The following FBXL7 variants were observed in gnomAD, a reference collection of about 807,000 sequenced individuals.
FBXL7 encodes F-box/LRR-repeat protein 7.
A neutral mutation model predicts 38.3 loss-of-function variants in FBXL7; 12 were observed. The ratio of observed to expected loss-of-function variants is 0.31; its 90% CI spans 0.20 to 0.51. The LOEUF is 0.51. FBXL7 is among the 20% of genes least tolerant of loss of function. The pLI, the probability that FBXL7 is intolerant of heterozygous loss-of-function variation, is 0.98. For missense variants in FBXL7, 567 were observed against 676.4 expected, an observed-to-expected ratio of 0.84 and a Z score of 1.79; for synonymous variants, 297 against 300.9, an observed-to-expected ratio of 0.99 and a Z score of 0.13.
intron 2 of FBXL7, among the ~76,000 whole-genome samples, chr5:15,654,187 C>T (rs1288961763): frequency 6.6e-6 from 1 of 152,142 alleles, no homozygotes; most frequent in Non-Finnish European, 1.5e-5. Flanking sequence ...TACTCTAGGG[C>T]AAAGGTGCAT....
intron 1 of FBXL7, among the ~76,000 whole-genome samples, chr5:15,530,099 G>A (rs2126389535): frequency 6.6e-6 from 1 of 152,294 alleles, no homozygotes; most frequent in East Asian, 1.9e-4. Flanking sequence ...GCTGGAGAAG[G>A]TACAGCAGAA....
intron 1 of FBXL7, among the ~76,000 whole-genome samples, chr5:15,546,589 G>T (rs149877199): frequency 0.012 from 1,853 of 152,120 alleles, 43 homozygotes; most frequent in African/African-American, 0.043. Context: ...AAATTAGCTG[G>T]GTGTGGTGGC....
At chr5:15,741,757 T>C (rs550411883) in intron 2 of FBXL7, among the ~76,000 whole-genome samples, 56 of 152,170 alleles carry the variant, frequency 3.7e-4, no homozygotes, top group Non-Finnish European at 6.8e-4. Flanking sequence ...TCTTAGGAGT[T>C]ATAGCACCAT....
At chr5:15,555,984 T>G (rs887602435) in intron 1 of FBXL7, among the ~76,000 whole-genome samples, 82 of 107,180 alleles carry the variant, frequency 7.7e-4, no homozygotes, top group African/African-American at 2.8e-3. Flanking sequence ...CATCTATCTA[T>G]CTATCTATCT....
At chr5:15,537,139 A>G (rs998482647) in intron 1 of FBXL7, among the ~76,000 whole-genome samples, 14 of 152,198 alleles carry the variant, frequency 9.2e-5, no homozygotes, top group Non-Finnish European at 1.8e-4. Flanking sequence ...CTATGAGTCA[A>G]TTAAATCTCT....
chr5:15,598,490 C>T (rs1739690468), intron 1 of FBXL7, among the ~76,000 whole-genome samples: 1 of 152,146 alleles, frequency 6.6e-6, no homozygotes. Context: ...CCACCAGGTG[C>T]AGCAGACAGA....
intron 2 of FBXL7, among the ~76,000 whole-genome samples, chr5:15,637,112 T>A (rs1385184293): frequency 6.6e-6 from 1 of 152,202 alleles, no homozygotes; most frequent in Non-Finnish European, 1.5e-5. Context: ...AGACATTCTT[T>A]GCTCATGGTT....
chr5:15,784,280 C>T (rs978924201), intron 2 of FBXL7, among the ~76,000 whole-genome samples: 1 of 152,014 alleles, frequency 6.6e-6, no homozygotes, highest in Admixed American at 6.5e-5. Flanking sequence ...CCTGTAGGTC[C>T]TCTTCAGGTT....
At chr5:15,713,012 T>C (rs2126644250) in intron 2 of FBXL7, among the ~76,000 whole-genome samples, 1 of 152,328 alleles carries the variant, frequency 6.6e-6, no homozygotes, top group Non-Finnish European at 1.5e-5. Flanking sequence ...TTGTAGGACT[T>C]GCTCCTCCCT....
intron 2 of FBXL7, among the ~76,000 whole-genome samples, chr5:15,706,191 G>A (rs1221118237): frequency 6.6e-6 from 1 of 152,126 alleles, no homozygotes; most frequent in Non-Finnish European, 1.5e-5. Context: ...GGTGGGGCCT[G>A]GGGGGAGGTG....
chr5:15,843,899 G>T (rs1049743238), intron 2 of FBXL7, among the ~76,000 whole-genome samples: 14 of 150,630 alleles, frequency 9.3e-5, no homozygotes, highest in African/African-American at 3.2e-4. Context: ...TATATATTTA[G>T]AAACTATATA....
At chr5:15,710,492 A>C (rs1487583973) in intron 2 of FBXL7, among the ~76,000 whole-genome samples, 4 of 152,128 alleles carry the variant, frequency 2.6e-5, no homozygotes, top group Admixed American at 2.0e-4. Flanking sequence ...TCATACATGC[A>C]CATGCACAAA....
At chr5:15,808,471 T>G (rs186905592) in intron 2 of FBXL7, among the ~76,000 whole-genome samples, 1 of 152,268 alleles carries the variant, frequency 6.6e-6, no homozygotes, top group East Asian at 1.9e-4. Flanking sequence ...CTTACCCCGT[T>G]CTCATCTTCA....
At chr5:15,881,792 T>G (rs1311987818) in intron 2 of FBXL7, among the ~76,000 whole-genome samples, 2 of 152,226 alleles carry the variant, frequency 1.3e-5, no homozygotes, top group African/African-American at 2.4e-5. Flanking sequence ...GGCAAACATA[T>G]TCATTTGTAA....
chr5:15,619,872 TTG>T (rs1740568926), intron 2 of FBXL7, among the ~76,000 whole-genome samples: 1 of 152,200 alleles, frequency 6.6e-6, no homozygotes, highest in East Asian at 1.9e-4. Flanking sequence ...ATGTGTGCAT[TTG>T]TGTCTGACAT....
At chr5:15,892,750 C>G (rs1740953153) in intron 2 of FBXL7, among the ~76,000 whole-genome samples, 1 of 152,140 alleles carries the variant, frequency 6.6e-6, no homozygotes, top group African/African-American at 2.4e-5. Flanking sequence ...TCACCTGGGC[C>G]CATTTGTTTT....
intron 2 of FBXL7, among the ~76,000 whole-genome samples, chr5:15,776,747 T>C (rs1736866220): frequency 6.6e-6 from 1 of 152,162 alleles, no homozygotes; most frequent in Non-Finnish European, 1.5e-5. Context: ...GGCTAGCTTT[T>C]TTCAGAAGCA....
At chr5:15,917,555 C>G (rs1741616642) in intron 2 of FBXL7, among the ~76,000 whole-genome samples, 1 of 151,812 alleles carries the variant, frequency 6.6e-6, no homozygotes, top group South Asian at 2.1e-4. Context: ...TTGCAGTGAG[C>G]TTTGATCATG....
intron 2 of FBXL7, among the ~76,000 whole-genome samples, chr5:15,811,024 A>C (rs775215032): frequency 3.3e-5 from 5 of 152,200 alleles, no homozygotes; most frequent in Non-Finnish European, 7.3e-5. Context: ...CTGCAGAAGG[A>C]TCTCTAAATT....
Sources: gnomAD v4.1 joint callset for allele counts (sites outside exome capture counted in the v4.1 genomes callset) on GRCh38, gnomAD v4.1.1 for gene constraint, MANE v1.5 for transcripts, NCBI Gene and HGNC (gene_info 2026-07-23, HGNC 2026-07-21) for gene names.